GDAP1: variants seen among roughly 807,000 people sequenced by gnomAD.
GDAP1 encodes the protein ganglioside-induced differentiation-associated protein 1.
GDAP1 carries 34 observed loss-of-function variants against 40.1 expected under a neutral mutation model. The ratio of observed to expected loss-of-function variants is 0.85; its 90% CI spans 0.64 to 1.13. GDAP1 has a LOEUF of 1.13. Ranked by LOEUF, GDAP1 falls within the 50% of genes most tolerant of loss-of-function variation. GDAP1 has a pLI of 0.00. For synonymous variants in GDAP1, 170 were observed against 157.4 expected (o/e 1.08, Z -0.60); for missense variants, 374 against 433.7 (o/e 0.86, Z 1.22).
chr8:74,410,402 A>G (rs1190231826), intron 2 of GDAP1, among the ~76,000 whole-genome samples: 2 of 150,282 alleles, frequency 1.3e-5, no homozygotes, highest in Non-Finnish European at 2.9e-5. Context: ...TACTGAGAAA[A>G]CATAAGAGTC....
At chr8:74,428,755 T>C (rs544011302) in intron 2 of GDAP1, among the ~76,000 whole-genome samples, 130 of 148,448 alleles carry the variant, frequency 8.8e-4, no homozygotes, top group African/African-American at 3.1e-3. Context: ...GTGCTGAGAT[T>C]ACAGACATGA....
At chr8:74,447,897 G>C (rs1428273012) in intron 2 of GDAP1, among the ~76,000 whole-genome samples, 1 of 152,034 alleles carries the variant, frequency 6.6e-6, no homozygotes, top group Non-Finnish European at 1.5e-5. Context: ...CTTAGACTTG[G>C]GTCCCATCCC....
chr8:74,407,296 G>A (rs1427873868), intron 2 of GDAP1, among the ~76,000 whole-genome samples: 1 of 149,698 alleles, frequency 6.7e-6, no homozygotes, highest in Non-Finnish European at 1.5e-5. Flanking sequence ...CAACTTGATT[G>A]AATCGAAGTA....
chr8:74,350,758 C>G (rs1309236443), intron 1 of GDAP1, among the ~76,000 whole-genome samples, 180 bp downstream of exon 1: 1 of 152,200 alleles, frequency 6.6e-6, no homozygotes, highest in East Asian at 1.9e-4. Flanking sequence ...GAGAATCGAT[C>G]GGAGATGATC....
chr8:74,429,445 C>G (rs1294436186), intron 2 of GDAP1, among the ~76,000 whole-genome samples: 1 of 152,136 alleles, frequency 6.6e-6, no homozygotes, highest in Non-Finnish European at 1.5e-5. Context: ...TAACAAAATA[C>G]TACAGACAGG....
At chr8:74,423,282 ATAT>A (rs1805903236) in intron 2 of GDAP1, among the ~76,000 whole-genome samples, 1 of 147,072 alleles carries the variant, frequency 6.8e-6, no homozygotes, top group African/African-American at 2.5e-5. Flanking sequence ...ACTATATATA[ATAT>A]GATATGTGAT....
intron 2 of GDAP1, among the ~76,000 whole-genome samples, chr8:74,378,792 T>C (rs962410029): frequency 6.6e-6 from 1 of 152,170 alleles, no homozygotes; most frequent in Non-Finnish European, 1.5e-5. Flanking sequence ...CTCACACATA[T>C]GTATATATTC....
chr8:74,428,970 T>C (rs1300878351), intron 2 of GDAP1, among the ~76,000 whole-genome samples: 1 of 149,890 alleles, frequency 6.7e-6, no homozygotes, highest in Non-Finnish European at 1.5e-5. Context: ...CGGTGTTTGG[T>C]TTTTTGTCCT....
intron 2 of GDAP1, among the ~76,000 whole-genome samples, chr8:74,469,770 G>A (rs1360324590): frequency 3.3e-5 from 5 of 151,964 alleles, no homozygotes; most frequent in Middle Eastern, 3.4e-3. Context: ...GAGGTCGGGA[G>A]TTTGAGACCA....
chr8:74,389,846 C>G (rs938597818), intron 2 of GDAP1, among the ~76,000 whole-genome samples: 3 of 152,114 alleles, frequency 2.0e-5, no homozygotes, highest in Admixed American at 1.3e-4. Context: ...TCACATAGTC[C>G]CATATTTCTT....
chr8:74,454,617 CAG>C lies in GDAP1; in HGVS notation c.166-34060_166-34059del, dbSNP rs1385956238. Among the ~76,000 whole-genome samples the C allele has an allele frequency of 2.7e-5, 2 of 74,532 alleles. 1 individual carries two copies. The highest frequency in any genetic ancestry group is 5.4e-5 in the Non-Finnish European group (2 of 36,906). 48.9% of individuals were successfully genotyped at this position (74,532 alleles called of 152,430 possible). A position where few individuals can be genotyped will look rare whatever the true frequency, so the allele number is the denominator to read the frequency against. ...TTCTTCCAAATAAACTCAAGGGTAA[CAG>C]GGGATTTTCTTAGGGATCATAAATA... is the stretch of plus-strand genomic sequence containing the variant. On this transcript the variant is annotated intron_variant, in intron 2 of 2. Coordinates refer to the GDAP1 transcript ENST00000523640.
intron 2 of GDAP1, among the ~76,000 whole-genome samples, chr8:74,417,893 A>G (rs1399466097): frequency 1.3e-5 from 2 of 152,198 alleles, no homozygotes; most frequent in African/African-American, 4.8e-5. Flanking sequence ...TCCTACTTTT[A>G]TATGCTAGGA....
At chr8:74,424,342 G>T (rs983661624) in intron 2 of GDAP1, among the ~76,000 whole-genome samples, 3 of 152,004 alleles carry the variant, frequency 2.0e-5, no homozygotes, top group Non-Finnish European at 4.4e-5. Flanking sequence ...GGATATGAAG[G>T]GCTGATTGTA....
chr8:74,415,543 T>A (rs371695385), intron 2 of GDAP1, among the ~76,000 whole-genome samples: 2 of 150,018 alleles, frequency 1.3e-5, no homozygotes, highest in South Asian at 4.1e-4. Flanking sequence ...AAACTGTAAG[T>A]CCACAGAGTG....
intron 2 of GDAP1, among the ~76,000 whole-genome samples, chr8:74,376,034 C>T (rs1268447026): frequency 1.3e-5 from 2 of 152,126 alleles, no homozygotes; most frequent in African/African-American, 4.8e-5. Context: ...AAAGGTAAAA[C>T]ACTAAACACT....
chr8:74,433,931 A>G (rs1432292012), intron 2 of GDAP1, among the ~76,000 whole-genome samples: 1 of 152,228 alleles, frequency 6.6e-6, no homozygotes, highest in Non-Finnish European at 1.5e-5. Flanking sequence ...AGAACTGTGC[A>G]GTCTGTGGCT....
intron 2 of GDAP1, among the ~76,000 whole-genome samples, chr8:74,469,284 A>T (rs562072446): frequency 6.6e-6 from 1 of 152,190 alleles, no homozygotes; most frequent in African/African-American, 2.4e-5. Flanking sequence ...TTTAATAAAA[A>T]TTAGGATTTT....
chr8:74,361,748 G>C (rs1373007061), intron 3 of GDAP1, 136 bp from the exon 4 acceptor site: 3 of 688,422 alleles, frequency 4.4e-6, no homozygotes, highest in Non-Finnish European at 7.9e-6. Context: ...GGCATAGACA[G>C]GGTAAGCCCA....
At chr8:74,351,231 G>T (rs1274905452) in intron 1 of GDAP1, 43 bp from the exon 2 acceptor site, 14 of 1,532,856 alleles carry the variant, frequency 9.1e-6, no homozygotes, top group Non-Finnish European at 1.3e-5. Context: ...TCATTTAATT[G>T]AAAGCTTACA....
Sources: gnomAD v4.1 joint callset for allele counts (sites outside exome capture counted in the v4.1 genomes callset) on GRCh38, gnomAD v4.1.1 for gene constraint, MANE v1.5 for transcripts, NCBI Gene and HGNC (gene_info 2026-07-23, HGNC 2026-07-21) for gene names.